The following LIN28B variants were observed in gnomAD, a reference collection of about 807,000 sequenced individuals.
LIN28B encodes the protein protein lin-28 homolog B.
A neutral mutation model predicts 21.9 loss-of-function variants in LIN28B; 5 were observed. The ratio of observed to expected loss-of-function variants is 0.23; its 90% CI spans 0.12 to 0.48. The LOEUF (loss-of-function observed/expected upper bound fraction) is 0.48, where lower values mean the gene tolerates loss of function less well. LIN28B is among the 20% of genes least tolerant of loss of function. The pLI is 0.98. For synonymous variants in LIN28B, 109 were observed against 111.3 expected (o/e 0.98, Z 0.13); for missense variants, 245 against 310.5 (o/e 0.79, Z 1.58).
chr6:105,017,664 T>A (rs755225216), intron 2 of LIN28B, among the ~76,000 whole-genome samples: 8 of 152,040 alleles, frequency 5.3e-5, no homozygotes, highest in Non-Finnish European at 7.4e-5. Flanking sequence ...TTGCATGTTG[T>A]CACTTATAAG....
intron 2 of LIN28B, among the ~76,000 whole-genome samples, chr6:104,949,037 GTTTT>G (rs757071978): frequency 3.5e-5 from 5 of 143,688 alleles, no homozygotes; most frequent in African/African-American, 5.1e-5. Context: ...TATTTGCAAA[GTTTT>G]TTTTTTTTTA....
rs79423346 is a variant in LIN28B, at chr6:105,062,276, G to A, written c.384-16138G>A. On this transcript the variant is annotated intron_variant, in intron 3 of 3. Coordinates refer to ENST00000345080, the MANE Select transcript of LIN28B (RefSeq NM_001004317.4). The stretch of plus-strand genomic sequence containing the variant: ...ACTCCTTTACAAAGTCATCCCTCTC[G>A]CTCTCAGTAATTGTGATTGTGTCAT... 9.7e-3 allele frequency among the ~76,000 whole-genome samples: 1,474 copies of A among 151,976 alleles called. 26 individuals carry two copies. The highest frequency in any genetic ancestry group is 0.034 in the African/African-American group (1,419 of 41,440).
In LIN28B at chr6:104,948,197, G is replaced by A. The variant is rs1429633507; in HGVS notation, c.19-2264G>A. 2.6e-5 allele frequency among the ~76,000 whole-genome samples: 4 copies of A among 152,192 alleles called. No individual in the cohort carries two copies. The East Asian group carries it at 5.8e-4, about 22-fold the overall frequency. On this transcript the variant is annotated intron_variant, in intron 2 of 5. Transcript: ENST00000635857. ...ATGTATTAAATACAAGGCCTGGCAC[G>A]GTGGCTCATGCCTGTAATCCCAGCA... is the stretch of plus-strand genomic sequence containing the variant.
intron 2 of LIN28B, among the ~76,000 whole-genome samples, chr6:104,942,774 A>T (rs1009971743): frequency 6.6e-6 from 1 of 152,200 alleles, no homozygotes; most frequent in African/African-American, 2.4e-5. Context: ...TGAATAAAAA[A>T]GTTTTATTTG....
intron 2 of LIN28B, among the ~76,000 whole-genome samples, chr6:105,011,974 A>T (rs1307190563): frequency 6.6e-6 from 1 of 152,020 alleles, no homozygotes; most frequent in African/African-American, 2.4e-5. Flanking sequence ...CCTGGCCAAC[A>T]TGGTGAAACC....
chr6:105,055,876 T>C (rs2114393424), intron 3 of LIN28B, among the ~76,000 whole-genome samples: 1 of 143,494 alleles, frequency 7.0e-6, no homozygotes, highest in East Asian at 2.1e-4. Flanking sequence ...CAAGCAGTCC[T>C]CCCATCTCAG....
At chr6:104,941,181 C>G (rs1396205073) in intron 2 of LIN28B, 1 of 152,252 alleles carries the variant, frequency 6.6e-6, no homozygotes, top group Non-Finnish European at 1.5e-5. Context: ...GGGGCGAGGA[C>G]TGGGCACCGC....
At chr6:105,013,810 G>C (rs1262236711) in intron 2 of LIN28B, among the ~76,000 whole-genome samples, 3 of 151,284 alleles carry the variant, frequency 2.0e-5, no homozygotes, top group Non-Finnish European at 2.9e-5. Flanking sequence ...GCGACCTTTT[G>C]TTCCTAGAGA....
intron 2 of LIN28B, chr6:104,940,494 G>C (rs1400564755): frequency 2.0e-5 from 3 of 153,062 alleles, no homozygotes; most frequent in Non-Finnish European, 4.4e-5. Context: ...TCGGGGGTTC[G>C]GGGGCGCCCG....
rs1205375240 is a variant in LIN28B at position 105,028,991 on chromosome 6, G to T, written c.383+2509G>T. 2.6e-5 allele frequency among the ~76,000 whole-genome samples: 4 copies of T among 152,130 alleles called. No individual in the cohort carries two copies. The South Asian group carries it at 6.2e-4, about 24-fold the overall frequency. On this transcript the variant is annotated intron_variant, in intron 3 of 3. Coordinates refer to ENST00000345080, the MANE Select transcript of LIN28B (RefSeq NM_001004317.4). ...GGGAAAGAAAATATTTCAAGAAAGG[G>T]TATCAGGTATGTTAAATGGTGCTGA...
At chr6:105,015,705 G>GT (rs1431609173) in intron 2 of LIN28B, among the ~76,000 whole-genome samples, 3 of 151,994 alleles carry the variant, frequency 2.0e-5, no homozygotes, top group Admixed American at 2.0e-4. Flanking sequence ...TTTTTAAGTG[G>GT]TTGAGGACAT....
rs143411098 is a variant in LIN28B at position 104,982,375 on chromosome 6, T to C, written c.198+24089T>C. On this transcript the variant is annotated intron_variant, in intron 2 of 3. Coordinates refer to ENST00000345080, the MANE Select transcript of LIN28B (RefSeq NM_001004317.4). ...ATGGCCTCCAATTCAGTGATGAGAT[T>C]GAATGACAGTTAATGCCCCAAAAGC... is the stretch of plus-strand genomic sequence containing the variant. Among the ~76,000 whole-genome samples, 1,066 of 152,212 alleles carry C rather than the reference T, an allele frequency of 7.0e-3. 10 individuals carry two copies. Among genetic ancestry groups the C allele is most frequent in the African/African-American group, 0.024 (988 of 41,512 alleles).
At chr6:105,050,664 C>G (rs1331470030) in intron 3 of LIN28B, among the ~76,000 whole-genome samples, 1 of 144,454 alleles carries the variant, frequency 6.9e-6, no homozygotes, top group Non-Finnish European at 1.5e-5. Context: ...CCACTCTCTT[C>G]TGGCTTGTAG....
chr6:104,944,007 G>GA (rs1459418145), intron 2 of LIN28B, among the ~76,000 whole-genome samples: 3 of 152,094 alleles, frequency 2.0e-5, no homozygotes, highest in African/African-American at 7.2e-5. Context: ...CCACAGTGCT[G>GA]AATCAAGACA....
chr6:104,949,959 A>G lies in LIN28B; in HGVS notation c.19-502A>G, dbSNP rs1210093. ...TGATTAAATGTATTACCATTAATGTAATTTTTCATTCACTTGACTGCAACA... is the reference window on the plus strand; with the variant it reads ...TGATTAAATGTATTACCATTAATGTGATTTTTCATTCACTTGACTGCAACA... On this transcript the variant is annotated intron_variant, in intron 2 of 5. Transcript: ENST00000635857. 2.0e-3 allele frequency among the ~76,000 whole-genome samples: 304 copies of G among 152,316 alleles called. 1 individual carries two copies. The highest frequency in any genetic ancestry group is 7.0e-3 in the African/African-American group (290 of 41,588).
chr6:105,031,740 T>C (rs751701830), intron 3 of LIN28B, among the ~76,000 whole-genome samples: 3 of 152,108 alleles, frequency 2.0e-5, no homozygotes, highest in Non-Finnish European at 2.9e-5. Context: ...TTTCACCGTG[T>C]TAGCCAGGAT....
intron 2 of LIN28B, among the ~76,000 whole-genome samples, chr6:104,984,330 A>G (rs1283864208): frequency 6.6e-6 from 1 of 152,256 alleles, no homozygotes; most frequent in East Asian, 1.9e-4. Flanking sequence ...ATAAACATAC[A>G]GTAGTCATTA....
At chr6:104,941,080 G>C (rs1358139999) in intron 2 of LIN28B, 2 of 152,192 alleles carry the variant, frequency 1.3e-5, no homozygotes, top group Non-Finnish European at 2.9e-5. Context: ...TGCGGACGCC[G>C]CTCGCGGTCC....
rs748769329 is a variant in LIN28B, at chr6:105,078,648, T to C, written c.618T>C (p.Phe206=). 3 of 1,614,126 alleles carry C rather than the reference T, an allele frequency of 1.9e-6. No individual in the cohort carries two copies. Among genetic ancestry groups the C allele is most frequent in the Non-Finnish European group, 2.5e-6 (3 of 1,180,024 alleles). ...GGGHGCTSPP[F]PQEARAEISE... ...GGCATGGCTGTACATCACCACCGTTTCCTCAGGAGGCTAGGGCAGAGATCT... is the reference window on the plus strand; with the variant it reads ...GGCATGGCTGTACATCACCACCGTTCCCTCAGGAGGCTAGGGCAGAGATCT... The change falls in exon 4 of 4, where the codon TTT becomes TTC. Residue 206 remains phenylalanine, a synonymous_variant. Coordinates refer to ENST00000345080, the MANE Select transcript of LIN28B (RefSeq NM_001004317.4).
Sources: gnomAD v4.1 joint callset for allele counts (sites outside exome capture counted in the v4.1 genomes callset) on GRCh38, gnomAD v4.1.1 for gene constraint, MANE v1.5 for transcripts, NCBI Gene and HGNC (gene_info 2026-07-23, HGNC 2026-07-21) for gene names.